Variants in TNPO3 observed in about 807,000 individuals in gnomAD.
TNPO3 encodes transportin-3.
Under a neutral mutation model 122.8 loss-of-function variants are expected in TNPO3, and 65 were observed. The observed-to-expected ratio is 0.53, with a 90% CI of 0.43 to 0.65. The LOEUF is 0.65. TNPO3 is among the 30% of genes least tolerant of loss of function. TNPO3 has a pLI of 0.00. For missense variants in TNPO3, 850 were observed against 1,136.7 expected (o/e 0.75, Z 3.63); for synonymous variants, 372 against 411.2 (o/e 0.90, Z 1.15).
chr7:128,965,610 A>G (rs547158753), intron 21 of TNPO3, among the ~76,000 whole-genome samples: 4 of 152,242 alleles, frequency 2.6e-5, no homozygotes, highest in Non-Finnish European at 4.4e-5. Context: ...ATCCAAAAGA[A>G]TTGAAAGCAG....
chr7:129,048,802 T>C (rs1808362900), intron 1 of TNPO3, among the ~76,000 whole-genome samples: 1 of 152,248 alleles, frequency 6.6e-6, no homozygotes, highest in African/African-American at 2.4e-5. Context: ...ACTGAGTATC[T>C]GCATGTATGC....
In TNPO3 at chr7:128,955,258, G is replaced by A. The variant is rs1354453663; in HGVS notation, c.*159C>T. The A allele has an allele frequency of 4.4e-6, 2 of 452,968 alleles. No individual in the cohort carries two copies. The highest frequency in any genetic ancestry group is 8.8e-6 in the Non-Finnish European group (2 of 226,344). The allele number at this position is 452,968 out of a possible 1,614,324, so 28.1% of individuals were successfully genotyped here. Reference sequence around the variant, plus strand: ...TCCTCAGGATGGCCTCAGAAGGCTGGAGTCTCTCCCTGTCTGGCGGGACAC... The same window carrying A: ...TCCTCAGGATGGCCTCAGAAGGCTGAAGTCTCTCCCTGTCTGGCGGGACAC... On this transcript the variant is annotated 3_prime_UTR_variant, in exon 23 of 23. Coordinates refer to ENST00000265388, the MANE Select transcript of TNPO3 (RefSeq NM_012470.4).
intron 1 of TNPO3, among the ~76,000 whole-genome samples, chr7:129,031,984 GC>G (rs1278659659): frequency 1.3e-5 from 2 of 152,072 alleles, no homozygotes; most frequent in African/African-American, 2.4e-5. Context: ...ATCACGCCTG[GC>G]TTTTCAACAG....
intron 1 of TNPO3, among the ~76,000 whole-genome samples, chr7:129,024,957 C>T (rs1804935653): frequency 6.6e-6 from 1 of 151,874 alleles, no homozygotes; most frequent in African/African-American, 2.4e-5. Flanking sequence ...GCCATGACCA[C>T]ACTACGCACT....
At chr7:128,986,703 A>G (rs1391276778) in intron 12 of TNPO3, 26 bp downstream of exon 12, 1 of 1,593,814 alleles carries the variant, frequency 6.3e-7, no homozygotes, top group Admixed American at 1.8e-5. Flanking sequence ...TGAGGTGACT[A>G]TTAGTGGTTA....
chr7:128,996,957 T>A (rs1483772432), intron 8 of TNPO3, among the ~76,000 whole-genome samples: 1 of 152,148 alleles, frequency 6.6e-6, no homozygotes, highest in African/African-American at 2.4e-5. Flanking sequence ...TAGCTGTTTT[T>A]TTCTTCTGCA....
chr7:129,044,828 C>G (rs748882973), intron 1 of TNPO3, among the ~76,000 whole-genome samples: 33 of 152,096 alleles, frequency 2.2e-4, no homozygotes, highest in Non-Finnish European at 3.7e-4. Flanking sequence ...ATAGAATTAC[C>G]ATATGATACA....
In TNPO3 at chr7:128,955,300, G is replaced by T. The variant is rs1796793783; in HGVS notation, c.*117C>A. The T allele has an allele frequency of 4.4e-6, 2 of 454,778 alleles. No homozygotes were observed. Among genetic ancestry groups the T allele is most frequent in the Admixed American group, 4.7e-5 (2 of 42,548 alleles). The allele number at this position is 454,778 out of a possible 1,614,324, so 28.2% of individuals were successfully genotyped here. ...GCGGGACACCCTGGTGGCGGTGAAG[G>T]CCCCTCTGCCACAACGGAGGTTTCT... is the stretch of plus-strand genomic sequence containing the variant. On this transcript the variant is annotated 3_prime_UTR_variant, in exon 23 of 23. Transcript: ENST00000265388.
In TNPO3 at chr7:128,975,927, A is replaced by G. The variant is rs560128689; in HGVS notation, c.2070T>C (p.Asn690=). The change falls in exon 17 of 23, where the codon AAT becomes AAC. Residue 690 remains asparagine, a synonymous_variant. Transcript: ENST00000265388. ...AGGAATGCTGATGTACGTGGTACAC[A>G]TTCACCATCTGTTGAGGGAAAAAAC... is the stretch of plus-strand genomic sequence containing the variant. ...LLQPLVTQMV[N]VYHVHQHSCF... 42 of 1,610,730 alleles carry G rather than the reference A, an allele frequency of 2.6e-5. 1 individual carries two copies. The South Asian group carries it at 4.3e-4, about 16-fold the overall frequency.
chr7:129,009,407 C>T (rs565391117), intron 4 of TNPO3, among the ~76,000 whole-genome samples: 33 of 152,328 alleles, frequency 2.2e-4, no homozygotes, highest in African/African-American at 7.5e-4. Flanking sequence ...CCTGGCATTA[C>T]AGCCACATGC....
chr7:129,021,752 A>T (rs1233915156), intron 1 of TNPO3, among the ~76,000 whole-genome samples: 1 of 152,206 alleles, frequency 6.6e-6, no homozygotes, highest in Non-Finnish European at 1.5e-5. Context: ...AATGAGCTAA[A>T]CAACATTAAG....
At chr7:129,048,795 G>T (rs1808362489) in intron 1 of TNPO3, among the ~76,000 whole-genome samples, 1 of 152,182 alleles carries the variant, frequency 6.6e-6, no homozygotes, top group African/African-American at 2.4e-5. Context: ...TTATCCAACT[G>T]AGTATCTGCA....
intron 1 of TNPO3, among the ~76,000 whole-genome samples, chr7:129,018,622 A>G (rs572582813): frequency 6.6e-6 from 1 of 152,370 alleles, no homozygotes; most frequent in African/African-American, 2.4e-5. Context: ...AATATACTTC[A>G]TATTGGTCTC....
chr7:129,054,565 A>C (rs922773457), intron 1 of TNPO3, 86 bp downstream of exon 1: 3 of 1,575,538 alleles, frequency 1.9e-6, no homozygotes, highest in Non-Finnish European at 2.6e-6. Context: ...CACGAGGTCA[A>C]CTGCCGGGCT....
intron 21 of TNPO3, among the ~76,000 whole-genome samples, chr7:128,958,229 C>T (rs1415374250): frequency 2.1e-5 from 3 of 140,066 alleles, no homozygotes; most frequent in African/African-American, 5.3e-5. Flanking sequence ...CTGCAACTTC[C>T]GCCTCCCAGG....
intron 1 of TNPO3, among the ~76,000 whole-genome samples, chr7:129,049,675 C>T (rs1808471079): frequency 6.6e-6 from 1 of 151,820 alleles, no homozygotes; most frequent in Non-Finnish European, 1.5e-5. Flanking sequence ...TTAAAAAAGG[C>T]AAAAACACAT....
At chr7:129,015,446 G>A (rs1036381313) in intron 3 of TNPO3, among the ~76,000 whole-genome samples, 2 of 152,148 alleles carry the variant, frequency 1.3e-5, no homozygotes, top group African/African-American at 4.8e-5. Flanking sequence ...AAATATATAG[G>A]TATATGTACA....
intron 18 of TNPO3, 42 bp from the exon 19 acceptor site, chr7:128,972,624 G>C: frequency 6.3e-7 from 1 of 1,582,624 alleles, no homozygotes. Flanking sequence ...ACAAGATTAG[G>C]CTATAAAAGC....
At chr7:128,992,397 T>A in intron 9 of TNPO3, among the ~76,000 whole-genome samples, 1 of 152,096 alleles carries the variant, frequency 6.6e-6, no homozygotes, top group East Asian at 1.9e-4. Flanking sequence ...GTCCTGATAA[T>A]AACTGATAAA....
Sources: allele counts gnomAD v4.1 joint callset (sites outside exome capture counted in the v4.1 genomes callset), GRCh38; gene constraint gnomAD v4.1.1; transcripts MANE v1.5; gene names NCBI Gene and HGNC (gene_info 2026-07-23, HGNC 2026-07-21).